The following DLG2 variants were observed in gnomAD, a reference collection of about 807,000 sequenced individuals.
DLG2 encodes disks large homolog 2.
Under a neutral mutation model 132.5 loss-of-function variants are expected in DLG2, and 45 were observed. That is an observed-to-expected ratio of 0.34 (90% confidence interval 0.27 to 0.44). The LOEUF is 0.44. Ranked by LOEUF, DLG2 falls within the 20% of genes least tolerant of loss-of-function variation. DLG2 has a pLI of 1.00. For missense variants in DLG2, 1,045 were observed against 1,196.9 expected (o/e 0.87, Z 1.87); for synonymous variants, 424 against 419.6 (o/e 1.01, Z -0.13).
At chr11:84,862,752 A>G (rs2083915292) in intron 6 of DLG2, among the ~76,000 whole-genome samples, 1 of 145,638 alleles carries the variant, frequency 6.9e-6, no homozygotes, top group African/African-American at 2.5e-5. Flanking sequence ...TCTCACTCAT[A>G]AATAGGAGCT....
intron 6 of DLG2, among the ~76,000 whole-genome samples, chr11:84,966,524 A>C (rs1351625432): frequency 6.6e-6 from 1 of 152,144 alleles, no homozygotes; most frequent in East Asian, 1.9e-4. Flanking sequence ...AAGGATTGGA[A>C]GACGAATCTA....
intron 6 of DLG2, among the ~76,000 whole-genome samples, chr11:84,820,664 A>C (rs1477999429): frequency 6.6e-6 from 1 of 151,840 alleles, no homozygotes; most frequent in African/African-American, 2.4e-5. Context: ...TTCTGTTCCT[A>C]AAATGATATT....
chr11:85,051,967 G>A (rs943339855), intron 6 of DLG2, among the ~76,000 whole-genome samples: 10 of 152,066 alleles, frequency 6.6e-5, no homozygotes, highest in African/African-American at 2.4e-4. Flanking sequence ...CAATCAAAGT[G>A]ATTAGTAGGT....
chr11:84,435,743 A>G (rs1439962654), intron 7 of DLG2, among the ~76,000 whole-genome samples: 1 of 152,208 alleles, frequency 6.6e-6, no homozygotes, highest in Non-Finnish European at 1.5e-5. Context: ...TAAGAAGCAG[A>G]AGCTCAGATT....
chr11:84,185,854 A>G (rs1407457241), intron 8 of DLG2, among the ~76,000 whole-genome samples: 2 of 152,146 alleles, frequency 1.3e-5, no homozygotes, highest in Non-Finnish European at 2.9e-5. Flanking sequence ...CTAAGGCAAG[A>G]CTGCTAAAAA....
chr11:85,587,207 T>C (rs544373969), intron 3 of DLG2, among the ~76,000 whole-genome samples: 6 of 152,332 alleles, frequency 3.9e-5, no homozygotes, highest in Admixed American at 1.3e-4. Flanking sequence ...TAAATATTTG[T>C]TAAGTCCATT....
At chr11:84,751,332 A>G (rs1216386189) in intron 6 of DLG2, among the ~76,000 whole-genome samples, 1 of 152,100 alleles carries the variant, frequency 6.6e-6, no homozygotes, top group Non-Finnish European at 1.5e-5. Context: ...CACTATCTTC[A>G]TTTTTTATAT....
At chr11:84,892,096 T>C (rs1480955559) in intron 6 of DLG2, among the ~76,000 whole-genome samples, 1 of 152,198 alleles carries the variant, frequency 6.6e-6, no homozygotes, top group Non-Finnish European at 1.5e-5. Flanking sequence ...CTTGGGAATA[T>C]AATTGCATAG....
At chr11:83,952,790 T>C (rs760416381) in intron 14 of DLG2, among the ~76,000 whole-genome samples, 5 of 152,134 alleles carry the variant, frequency 3.3e-5, no homozygotes, top group Non-Finnish European at 4.4e-5. Flanking sequence ...CAAGTAATTA[T>C]CTCTCTGTGG....
At chr11:84,611,411 A>G (rs2099595365) in intron 6 of DLG2, among the ~76,000 whole-genome samples, 1 of 152,118 alleles carries the variant, frequency 6.6e-6, no homozygotes, top group South Asian at 2.1e-4. Flanking sequence ...CTATTGAACA[A>G]TATGGTTAAC....
At chr11:84,456,170 T>C (rs1435735929) in intron 7 of DLG2, among the ~76,000 whole-genome samples, 2 of 151,336 alleles carry the variant, frequency 1.3e-5, no homozygotes, top group Non-Finnish European at 3.0e-5. Flanking sequence ...TGAAGCTGCA[T>C]GGACCAAATT....
chr11:84,369,982 C>G (rs1292274167), intron 7 of DLG2, among the ~76,000 whole-genome samples: 1 of 152,034 alleles, frequency 6.6e-6, no homozygotes, highest in Non-Finnish European at 1.5e-5. Context: ...ACAATAAAAC[C>G]AGCTTTTGAA....
intron 16 of DLG2, among the ~76,000 whole-genome samples, chr11:83,870,409 A>T (rs1158224745): frequency 2.6e-5 from 4 of 152,214 alleles, no homozygotes; most frequent in African/African-American, 9.7e-5. Context: ...AATGGCCTCC[A>T]GTTCCACACA....
intron 3 of DLG2, among the ~76,000 whole-genome samples, chr11:85,559,152 A>ATT (rs1363947291): frequency 1.3e-5 from 2 of 148,912 alleles, no homozygotes; most frequent in African/African-American, 5.0e-5. Flanking sequence ...CATTATTATT[A>ATT]TTATTTTTTT....
chr11:85,058,732 T>A (rs2063717103), intron 6 of DLG2, among the ~76,000 whole-genome samples: 1 of 151,416 alleles, frequency 6.6e-6, no homozygotes, highest in Admixed American at 6.6e-5. Context: ...TGATATAAGG[T>A]TACTTAATAT....
chr11:85,202,563 G>A (rs1220982831), intron 4 of DLG2, among the ~76,000 whole-genome samples: 4 of 152,024 alleles, frequency 2.6e-5, no homozygotes, highest in Non-Finnish European at 5.9e-5. Flanking sequence ...GGCATTTATA[G>A]AACATTTCAT....
At chr11:84,107,614 C>T (rs1197882277) in intron 9 of DLG2, among the ~76,000 whole-genome samples, 6 of 152,130 alleles carry the variant, frequency 3.9e-5, no homozygotes, top group Admixed American at 3.3e-4. Context: ...TTTGACACAG[C>T]ATAACTCAGC....
chr11:84,674,393 A>G (rs1387578444), intron 6 of DLG2, among the ~76,000 whole-genome samples: 1 of 152,094 alleles, frequency 6.6e-6, no homozygotes, highest in Non-Finnish European at 1.5e-5. Context: ...TAATTAATTA[A>G]ATAAGTATTT....
At chr11:83,720,503 T>TA (rs991658354) in intron 18 of DLG2, among the ~76,000 whole-genome samples, 3 of 151,796 alleles carry the variant, frequency 2.0e-5, no homozygotes, top group African/African-American at 7.3e-5. Flanking sequence ...AATGAGGTTC[T>TA]AAAAGCTTCA....
Sources: gnomAD v4.1 joint callset for allele counts (sites outside exome capture counted in the v4.1 genomes callset) on GRCh38, gnomAD v4.1.1 for gene constraint, MANE v1.5 for transcripts, NCBI Gene and HGNC (gene_info 2026-07-23, HGNC 2026-07-21) for gene names.